GPD2: variants seen among roughly 807,000 people sequenced by gnomAD.
GPD2 encodes glycerol-3-phosphate dehydrogenase 2, also known as glycerol-3-phosphate dehydrogenase, mitochondrial.
A neutral mutation model predicts 82.4 loss-of-function variants in GPD2; 54 were observed. The observed-to-expected ratio is 0.66, with a 90% CI of 0.53 to 0.82. GPD2 has a LOEUF of 0.82. Ranked by LOEUF, GPD2 falls within the 40% of genes least tolerant of loss-of-function variation. The pLI is 0.00. For missense variants in GPD2, 748 were observed against 896.2 expected (o/e 0.83, Z 2.11); for synonymous variants, 288 against 306.1 (o/e 0.94, Z 0.62).
At chr2:156,492,222 C>T (rs1269162505) in intron 2 of GPD2, among the ~76,000 whole-genome samples, 2 of 121,590 alleles carry the variant, frequency 1.6e-5, no homozygotes, top group East Asian at 2.8e-4. Context: ...GGTGTGATCT[C>T]GGCTCACTGC....
intron 6 of GPD2, 80 bp from the exon 7 acceptor site, chr2:156,549,528 C>G: frequency 1.7e-6 from 2 of 1,209,386 alleles, no homozygotes; most frequent in Non-Finnish European, 2.5e-6. Context: ...TGTGACATAT[C>G]TGTTGTGACA....
chr2:156,526,124 A>T (rs1685597001), intron 6 of GPD2, among the ~76,000 whole-genome samples: 1 of 152,214 alleles, frequency 6.6e-6, no homozygotes, highest in South Asian at 2.1e-4. Flanking sequence ...ATTTAAAAGC[A>T]GGGACCAACT....
In GPD2 at chr2:156,582,878, G is replaced by A; in HGVS notation, c.2144G>A (p.Arg715Lys). 6.2e-7 allele frequency: 1 copy of A among 1,613,226 alleles called. No individual in the cohort carries two copies. Residue 715 changes from arginine (R) to lysine (K), a missense_variant, in exon 17 of 17, where the codon AGA becomes AAA. By Grantham distance (26) the Arg-to-Lys change is conservative. Coordinates refer to ENST00000438166, the MANE Select transcript of GPD2 (RefSeq NM_000408.5). ...ACTGCAGAAGAGAACCTCGACAGAA[G>A]AGTTCCAATTCCAGTGGACCGTAGT... The part of the protein sequence containing the change: ...MKTAEENLDR[R>K]VPIPVDRSCG...
At chr2:156,557,658 G>C (rs1263059244) in intron 9 of GPD2, 76 bp downstream of exon 9, 14 of 847,056 alleles carry the variant, frequency 1.7e-5, no homozygotes. Flanking sequence ...CTGGATAAAT[G>C]CTATGTCTCC....
upstream of GPD2, among the ~76,000 whole-genome samples, chr2:156,434,343 C>A (rs545740914): frequency 2.0e-5 from 3 of 152,294 alleles, no homozygotes; most frequent in African/African-American, 7.2e-5. Flanking sequence ...ACCTCGTGAT[C>A]TGCCCACCTC....
the GPD2 span, among the ~76,000 whole-genome samples, chr2:156,400,766 C>A: frequency 6.6e-6 from 1 of 152,206 alleles, no homozygotes; most frequent in East Asian, 1.9e-4. Flanking sequence ...ATGCTTTCGG[C>A]TGGGGGATGT....
chr2:156,516,964 T>G (rs2105280588), intron 6 of GPD2, among the ~76,000 whole-genome samples: 1 of 152,336 alleles, frequency 6.6e-6, no homozygotes, highest in South Asian at 2.1e-4. Context: ...AGAGGTTTCC[T>G]CTGAAGTACA....
At chr2:156,478,212 A>G (rs2105205996) in intron 2 of GPD2, among the ~76,000 whole-genome samples, 1 of 152,340 alleles carries the variant, frequency 6.6e-6, no homozygotes, top group South Asian at 2.1e-4. Flanking sequence ...TCAAGGCAAA[A>G]TAAAGACCTA....
At chr2:156,483,097 T>C (rs1683794042) in intron 2 of GPD2, among the ~76,000 whole-genome samples, 1 of 148,538 alleles carries the variant, frequency 6.7e-6, no homozygotes, top group Non-Finnish European at 1.5e-5. Flanking sequence ...TAGCAAAAGA[T>C]AAGATTGGAC....
chr2:156,524,301 A>G (rs950073496), intron 6 of GPD2, among the ~76,000 whole-genome samples: 1 of 152,158 alleles, frequency 6.6e-6, no homozygotes, highest in African/African-American at 2.4e-5. Context: ...ATAAGAAGCA[A>G]CACCTAAGCT....
chr2:156,528,105 T>TA (rs1274537680), intron 6 of GPD2, among the ~76,000 whole-genome samples: 3 of 152,180 alleles, frequency 2.0e-5, no homozygotes, highest in African/African-American at 7.2e-5. Context: ...ACTCTCATTC[T>TA]AATAAAAGAA....
At chr2:156,409,998 A>G in the GPD2 span, among the ~76,000 whole-genome samples, 1 of 152,180 alleles carries the variant, frequency 6.6e-6, no homozygotes, top group South Asian at 2.1e-4. Context: ...GTGTGCTATG[A>G]TTGTGGCACT....
chr2:156,526,110 G>T (rs189865182), intron 6 of GPD2, among the ~76,000 whole-genome samples: 1 of 152,164 alleles, frequency 6.6e-6, no homozygotes, highest in Admixed American at 6.5e-5. Context: ...ATTTTAAAAG[G>T]TGAATTTAAA....
At chr2:156,526,312 C>T (rs1389275228) in intron 6 of GPD2, among the ~76,000 whole-genome samples, 1 of 152,128 alleles carries the variant, frequency 6.6e-6, no homozygotes. Context: ...CTAGTCTGAT[C>T]TGTGTAGAGA....
At chr2:156,485,727 G>T (rs1683914233) in intron 2 of GPD2, among the ~76,000 whole-genome samples, 1 of 152,192 alleles carries the variant, frequency 6.6e-6, no homozygotes, top group African/African-American at 2.4e-5. Context: ...CTTTATTCTA[G>T]TGGGTCTGCC....
intron 1 of GPD2, among the ~76,000 whole-genome samples, chr2:156,440,649 A>G (rs543838584): frequency 1.8e-4 from 28 of 152,304 alleles, no homozygotes; most frequent in Non-Finnish European, 3.8e-4. Flanking sequence ...GTTCTTTCAA[A>G]ACCAAATTTC....
At chr2:156,545,138 TCA>T (rs894218758) in intron 6 of GPD2, among the ~76,000 whole-genome samples, 17 of 151,526 alleles carry the variant, frequency 1.1e-4, no homozygotes, top group Non-Finnish European at 1.8e-4. Context: ...ACACACTCAT[TCA>T]CACACACACA....
chr2:156,574,184 A>T (rs370132478), intron 13 of GPD2, among the ~76,000 whole-genome samples: 3 of 151,992 alleles, frequency 2.0e-5, no homozygotes, highest in East Asian at 3.9e-4. Flanking sequence ...GGAGTTGGGG[A>T]TTGTTAGAGG....
chr2:156,400,975 C>A, the GPD2 span, among the ~76,000 whole-genome samples: 24 of 152,160 alleles, frequency 1.6e-4, no homozygotes, highest in African/African-American at 5.3e-4. Flanking sequence ...TGAAAAAAAT[C>A]AGCGAAGCTC....
Sources: allele counts gnomAD v4.1 joint callset (sites outside exome capture counted in the v4.1 genomes callset), GRCh38; gene constraint gnomAD v4.1.1; transcripts MANE v1.5; gene names NCBI Gene and HGNC (gene_info 2026-07-23, HGNC 2026-07-21).